AUTS2: variants seen among roughly 807,000 people sequenced by gnomAD.
The protein encoded by AUTS2 is autism susceptibility gene 2 protein.
AUTS2 carries 17 observed loss-of-function variants against 112.4 expected under a neutral mutation model. The ratio of observed to expected loss-of-function variants is 0.15; its 90% CI spans 0.10 to 0.23. The LOEUF is 0.23. AUTS2 is among the 10% of genes least tolerant of loss of function. The pLI is 1.00. For missense variants in AUTS2, 1,510 were observed against 1,701.6 expected (o/e 0.89, Z 1.98); for synonymous variants, 751 against 702.7 (o/e 1.07, Z -1.09).
intron 4 of AUTS2, among the ~76,000 whole-genome samples, chr7:70,228,873 T>C (rs1811906889): frequency 6.6e-6 from 1 of 151,992 alleles, no homozygotes; most frequent in Non-Finnish European, 1.5e-5. Flanking sequence ...GAAAAATGTA[T>C]GTATGATTTC....
At chr7:69,894,076 A>G (rs1267890495) in intron 1 of AUTS2, among the ~76,000 whole-genome samples, 2 of 152,036 alleles carry the variant, frequency 1.3e-5, no homozygotes, top group Non-Finnish European at 2.9e-5. Context: ...CATAATTTCA[A>G]CTATTCTCCA....
intron 1 of AUTS2, among the ~76,000 whole-genome samples, chr7:69,718,974 A>G (rs1798768694): frequency 6.6e-6 from 1 of 152,204 alleles, no homozygotes. Flanking sequence ...TGTTCAAGGA[A>G]GCTAGAGATC....
chr7:69,905,224 A>G (rs2129541296), intron 2 of AUTS2, among the ~76,000 whole-genome samples: 1 of 152,354 alleles, frequency 6.6e-6, no homozygotes, highest in East Asian at 1.9e-4. Flanking sequence ...TATGACCAGT[A>G]ATAATTTTAT....
At chr7:69,772,732 C>A (rs1482647807) in intron 1 of AUTS2, among the ~76,000 whole-genome samples, 3 of 152,178 alleles carry the variant, frequency 2.0e-5, no homozygotes, top group African/African-American at 7.2e-5. Flanking sequence ...CTGTACCTGG[C>A]TGGAATTTAA....
intron 1 of AUTS2, among the ~76,000 whole-genome samples, chr7:69,682,225 T>C (rs1796829630): frequency 6.6e-6 from 1 of 152,244 alleles, no homozygotes; most frequent in African/African-American, 2.4e-5. Flanking sequence ...AATGTTTCTT[T>C]GTAGGTGGGG....
At chr7:70,673,814 G>T (rs1019605409) in intron 5 of AUTS2, among the ~76,000 whole-genome samples, 1 of 152,162 alleles carries the variant, frequency 6.6e-6, no homozygotes, top group Non-Finnish European at 1.5e-5. Context: ...CTTCTATTTG[G>T]AATCATCTAC....
chr7:70,502,935 C>A (rs1798823319), intron 5 of AUTS2, among the ~76,000 whole-genome samples: 1 of 150,936 alleles, frequency 6.6e-6, no homozygotes, highest in South Asian at 2.1e-4. Context: ...AGGGTAGACT[C>A]CTCCCACACA....
chr7:69,789,138 A>C lies in AUTS2; in HGVS notation c.310-110148A>C, dbSNP rs755163875. ...GACTTTTTGGTGTTTACCTTATATCAAGAATGCAGCATTTAAGGCCACTTT... is the reference window on the plus strand; with the variant it reads ...GACTTTTTGGTGTTTACCTTATATCCAGAATGCAGCATTTAAGGCCACTTT... On this transcript the variant is annotated intron_variant, in intron 1 of 18. Coordinates refer to ENST00000342771, the MANE Select transcript of AUTS2 (RefSeq NM_015570.4). 1.3e-5 allele frequency among the ~76,000 whole-genome samples: 2 copies of C among 152,204 alleles called. 1 individual carries two copies. Among genetic ancestry groups the C allele is most frequent in the Non-Finnish European group, 2.9e-5 (2 of 68,050 alleles).
At chr7:69,996,285 G>A (rs1428232348) in intron 2 of AUTS2, among the ~76,000 whole-genome samples, 1 of 152,200 alleles carries the variant, frequency 6.6e-6, no homozygotes, top group Non-Finnish European at 1.5e-5. Flanking sequence ...TCAGCTGTCT[G>A]CTCCCTCTCT....
intron 2 of AUTS2, among the ~76,000 whole-genome samples, chr7:70,078,728 G>C (rs1478291166): frequency 6.6e-6 from 1 of 152,148 alleles, no homozygotes. Context: ...GGGGGAGAGG[G>C]GAAGGAAGAA....
intron 5 of AUTS2, among the ~76,000 whole-genome samples, chr7:70,539,239 ATGTTGTTGTT>A (rs1270624252): frequency 1.3e-5 from 2 of 152,214 alleles, no homozygotes; most frequent in East Asian, 3.9e-4. Flanking sequence ...CATAGTTACT[ATGTTGTTGTT>A]TGCCAGCAGA....
chr7:69,629,281 A>G (rs1478365581), intron 1 of AUTS2, among the ~76,000 whole-genome samples: 1 of 152,150 alleles, frequency 6.6e-6, no homozygotes, highest in Non-Finnish European at 1.5e-5. Flanking sequence ...TACCACCTTA[A>G]CTTTTCTGAG....
chr7:70,415,839 C>T (rs935239550), intron 4 of AUTS2, among the ~76,000 whole-genome samples: 8 of 152,190 alleles, frequency 5.3e-5, no homozygotes, highest in Admixed American at 3.3e-4. Context: ...TTTGTGTGCA[C>T]GCACACACAG....
At chr7:69,713,276 A>G (rs1038727155) in intron 1 of AUTS2, among the ~76,000 whole-genome samples, 4 of 152,090 alleles carry the variant, frequency 2.6e-5, no homozygotes, top group African/African-American at 9.7e-5. Flanking sequence ...ACAATATACA[A>G]CCCATCTTTG....
chr7:70,726,239 A>G (rs973011935), intron 6 of AUTS2, among the ~76,000 whole-genome samples: 3 of 152,124 alleles, frequency 2.0e-5, no homozygotes, highest in African/African-American at 4.8e-5. Flanking sequence ...TATAGAGACA[A>G]TGGATGTGTT....
At chr7:69,715,330 C>T (rs1301321672) in intron 1 of AUTS2, among the ~76,000 whole-genome samples, 1 of 151,682 alleles carries the variant, frequency 6.6e-6, no homozygotes, top group East Asian at 1.9e-4. Flanking sequence ...AAAGAGCTGA[C>T]TGACCATGTT....
chr7:70,214,114 G>T (rs1486755126), intron 4 of AUTS2, among the ~76,000 whole-genome samples: 1 of 152,078 alleles, frequency 6.6e-6, no homozygotes, highest in Non-Finnish European at 1.5e-5. Flanking sequence ...ACAATATACT[G>T]TATTTTGTTT....
rs371523783 is a variant in AUTS2 at position 70,766,422 on chromosome 7, C to T, written c.1689+88C>T. 21 of 1,496,196 alleles carry T rather than the reference C, an allele frequency of 1.4e-5. 1 individual carries two copies. In the East Asian group the frequency reaches 3.2e-4, roughly 23 times the overall value. The allele number at this position is 1,496,196 out of a possible 1,614,324, so 92.7% of individuals were successfully genotyped here. ...GTGGGACCGGGCTGGGCAGCGGGGC[C>T]ACCAGAGATCGAATGGGGACTGACG... On this transcript the variant is annotated intron_variant, in intron 9 of 18. Transcript: ENST00000342771. This position sits in a 1 kb window ranked among gnomAD's most constrained non-coding sequence, Gnocchi z 4.8.
At chr7:70,429,782 T>C (rs1432755905) in intron 4 of AUTS2, among the ~76,000 whole-genome samples, 4 of 152,244 alleles carry the variant, frequency 2.6e-5, no homozygotes, top group African/African-American at 7.2e-5. Context: ...TTTGACTTTT[T>C]ATTATATTTT....
Sources: allele counts gnomAD v4.1 joint callset (sites outside exome capture counted in the v4.1 genomes callset), GRCh38; gene constraint gnomAD v4.1.1; non-coding constraint Gnocchi (gnomAD v3.1); transcripts MANE v1.5; gene names NCBI Gene and HGNC (gene_info 2026-07-23, HGNC 2026-07-21).